The following SHANK1 variants were observed in gnomAD, a reference collection of about 807,000 sequenced individuals.
SHANK1 encodes SH3 and multiple ankyrin repeat domains protein 1.
A neutral mutation model predicts 165.6 loss-of-function variants in SHANK1; 35 were observed. The observed-to-expected ratio is 0.21, with a 90% CI of 0.16 to 0.28. SHANK1 has a LOEUF of 0.28. SHANK1 is among the 10% of genes least tolerant of loss of function. SHANK1 has a pLI of 1.00. For missense variants in SHANK1, 2,681 were observed against 3,036.4 expected, an observed-to-expected ratio of 0.88 and a Z score of 2.75; for synonymous variants, 1,428 against 1,384.8, an observed-to-expected ratio of 1.03 and a Z score of -0.69.
intron 21 of SHANK1, among the ~76,000 whole-genome samples, chr19:50,681,509 T>C (rs754971505): frequency 5.3e-5 from 8 of 152,010 alleles, no homozygotes; most frequent in Non-Finnish European, 1.0e-4. Context: ...AGAGGGTGAG[T>C]TCCCTGAGGG....
chr19:50,706,742 T>C (rs922797171), intron 8 of SHANK1, among the ~76,000 whole-genome samples: 1 of 151,940 alleles, frequency 6.6e-6, no homozygotes, highest in African/African-American at 2.4e-5. Context: ...AAAAAACCCT[T>C]GTCCTCTTCC....
intron 18 of SHANK1, 50 bp downstream of exon 18, chr19:50,687,873 G>A (rs1271755720): frequency 1.9e-6 from 3 of 1,610,920 alleles, no homozygotes; most frequent in Non-Finnish European, 8.5e-7. Context: ...GCTCCCGCAG[G>A]GCTGAGCCTG....
intron 23 of SHANK1, among the ~76,000 whole-genome samples, chr19:50,664,322 C>T (rs1484912739): frequency 6.6e-6 from 1 of 152,204 alleles, no homozygotes; most frequent in Non-Finnish European, 1.5e-5. Flanking sequence ...ACTCTACTTT[C>T]TCTAGGACTA....
chr19:50,664,622 C>T (rs1222587548), intron 23 of SHANK1, among the ~76,000 whole-genome samples: 1 of 152,214 alleles, frequency 6.6e-6, no homozygotes, highest in Non-Finnish European at 1.5e-5. Context: ...GGCTCTAGAA[C>T]CACACCTATA....
rs1986947313 is a variant in SHANK1 at position 50,702,428 on chromosome 19, A to G, written c.1747+39T>C. 2 of 1,540,060 alleles carry G rather than the reference A, an allele frequency of 1.3e-6. No individual in the cohort carries two copies. The highest frequency in any genetic ancestry group is 1.4e-5 in the African/African-American group (1 of 72,880). ...CCACATTTTCCCTGATCGCCCCCACAGCCCAGCCCAGCCCAGGCCCTGCTT... is the reference window on the plus strand; with the variant it reads ...CCACATTTTCCCTGATCGCCCCCACGGCCCAGCCCAGCCCAGGCCCTGCTT... On this transcript the variant is annotated intron_variant, in intron 12 of 23. Transcript: ENST00000293441. This position sits in a 1 kb window ranked among gnomAD's most constrained non-coding sequence, Gnocchi z 5.3.
chr19:50,705,545 T>C (rs1383384692), intron 8 of SHANK1, among the ~76,000 whole-genome samples: 1 of 152,166 alleles, frequency 6.6e-6, no homozygotes, highest in Non-Finnish European at 1.5e-5. Flanking sequence ...GATAATCCTT[T>C]GGTGATTCAT....
At chr19:50,679,941 CAGAGAT>C (rs1284495092) in intron 21 of SHANK1, among the ~76,000 whole-genome samples, 8 of 148,496 alleles carry the variant, frequency 5.4e-5, no homozygotes, top group Non-Finnish European at 8.9e-5. Context: ...GATAGGGAGA[CAGAGAT>C]AGAGAGACAG....
chr19:50,716,037 TGAG>T lies in SHANK1; in HGVS notation c.459+235_459+237del, dbSNP rs1049261002. Among the ~76,000 whole-genome samples, 14 of 152,076 alleles carry T rather than the reference TGAG, an allele frequency of 9.2e-5. No homozygotes were observed. Among genetic ancestry groups the T allele is most frequent in the African/African-American group, 2.7e-4 (11 of 41,396 alleles). ...GGGAATCCTCCCCCAATTTGATGGG[TGAG>T]GAGAAGCTTGGGGCAGGAAAGTGAC... On this transcript the variant is annotated intron_variant, in intron 3 of 23. Coordinates refer to ENST00000293441, the MANE Select transcript of SHANK1 (RefSeq NM_016148.5). The surrounding 1 kb of genome is among the most constrained non-coding windows in gnomAD (Gnocchi z 8.4).
At position 50,704,192 on chromosome 19, in the gene SHANK1, GGGA is replaced by G; in HGVS notation, c.1156-9_1156-7del. 6.2e-7 allele frequency: 1 copy of G among 1,613,884 alleles called. No homozygotes were observed. The highest frequency in any genetic ancestry group is 8.5e-7 in the Non-Finnish European group (1 of 1,179,942). On this transcript the variant is annotated splice_polypyrimidine_tract_variant and splice_region_variant and intron_variant, in intron 9 of 23. Transcript: ENST00000293441. ...TTCCCAGCAATCACTGCCACCTGGA[GGGA>G]GGGGGTAGAGGCAGGTCGGCCAGGG... is the stretch of plus-strand genomic sequence containing the variant.
At chr19:50,691,315 C>G (rs1986531471) in intron 15 of SHANK1, among the ~76,000 whole-genome samples, 1 of 152,118 alleles carries the variant, frequency 6.6e-6, no homozygotes, top group South Asian at 2.1e-4. Flanking sequence ...CCATTCCCAC[C>G]TTCTTACTCC....
Position 50,686,763 on chromosome 19 carries a change from G to T in SHANK1, c.2439C>A (p.Thr813=), listed in dbSNP as rs746425154. 2 of 1,613,832 alleles carry T rather than the reference G, an allele frequency of 1.2e-6. No individual in the cohort carries two copies. The highest frequency in any genetic ancestry group is 1.7e-5 in the Admixed American group (1 of 60,006). The change falls in exon 20 of 24, where the codon ACC becomes ACA. Residue 813 remains threonine, a synonymous_variant. Coordinates refer to ENST00000293441, the MANE Select transcript of SHANK1 (RefSeq NM_016148.5). The surrounding 1 kb of genome is among the most constrained non-coding windows in gnomAD (Gnocchi z 5.7). ...APVPSMEKKR[T]VYQMALNKLD... is the part of the protein sequence containing the mutation. ...TCTTACTGAGAGCCATCTGATACAC[G>T]GTCCGCTTTTTCTCCATGCTGGGCA...
At chr19:50,672,555 C>CAAAAAAAAAAAAAA (rs3987747) in intron 21 of SHANK1, among the ~76,000 whole-genome samples, 18 of 35,500 alleles carry the variant, frequency 5.1e-4, no homozygotes, top group African/African-American at 1.7e-3. Context: ...GACTCTGTCT[C>CAAAAAAAAAAAAAA]AAAAAAAAAA....
At chr19:50,706,688 TGCC>T (rs980688227) in intron 8 of SHANK1, among the ~76,000 whole-genome samples, 32 of 152,044 alleles carry the variant, frequency 2.1e-4, no homozygotes, top group Non-Finnish European at 4.4e-4. Context: ...TTTGCACAAA[TGCC>T]GCCTCTTCAG....
At chr19:50,701,586 T>C (rs987763179) in intron 12 of SHANK1, among the ~76,000 whole-genome samples, 10 of 149,340 alleles carry the variant, frequency 6.7e-5, no homozygotes, top group Non-Finnish European at 1.5e-4. Context: ...CAAAGTCCCA[T>C]TTTACAGATG....
In SHANK1 at chr19:50,668,415, G is replaced by A. The variant is rs772381856; in HGVS notation, c.3545C>T (p.Pro1182Leu). The stretch of plus-strand genomic sequence containing the variant: ...GCCTCCCGTGGGCTCCGGCTGGGTG[G>A]GGGGCTCCGCCTCGGTGCTGCTGCC... ...SQGSSTEAEP[P>L]TQPEPTGGGG... The change falls in exon 23 of 24, where the codon CCC becomes CTC. Residue 1182 changes from proline (P) to leucine (L), a missense_variant. By Grantham distance (98) the Pro-to-Leu change is moderately conservative (BLOSUM62 -3). This residue lies in a region of SHANK1 where 1,713 missense variants were observed against 1,630.2 expected (regional missense o/e 1.05). Transcript: ENST00000293441. 5 of 1,325,846 alleles carry A rather than the reference G, an allele frequency of 3.8e-6. No homozygotes were observed. The highest frequency in any genetic ancestry group is 4.8e-6 in the Non-Finnish European group (5 of 1,036,220). 82.1% of individuals were successfully genotyped at this position (1,325,846 alleles called of 1,614,324 possible).
Position 50,702,688 on chromosome 19 carries a change from G to GGGA in SHANK1, c.1554-31_1554-29dup. 6.7e-7 allele frequency: 1 copy of GGGA among 1,502,070 alleles called. No homozygotes were observed. 93.0% of individuals were successfully genotyped at this position (1,502,070 alleles called of 1,614,324 possible). ...GCGTACACAGAGGGCATGAGAGGAG[G>GGGA]GGAGGGTGGAGGGAGGGGACACCTC... On this transcript the variant is annotated intron_variant, in intron 11 of 23. Coordinates refer to ENST00000293441, the MANE Select transcript of SHANK1 (RefSeq NM_016148.5). The surrounding 1 kb of genome is among the most constrained non-coding windows in gnomAD (Gnocchi z 5.3).
At chr19:50,689,565 G>A (rs115911295) in intron 15 of SHANK1, among the ~76,000 whole-genome samples, 3 of 152,146 alleles carry the variant, frequency 2.0e-5, no homozygotes, top group African/African-American at 7.2e-5. Context: ...GGGGAGGATG[G>A]GGAGAAGAGC....
At position 50,687,950 on chromosome 19, in the gene SHANK1, C is replaced by T; in HGVS notation, c.2281G>A (p.Asp761Asn). ...VKVVMVTRHP[D>N]MDEAVHKKAP... ...TTCTTGTGCACTGCCTCATCCATGTCCGGGTGCCTGGTGACCATCACCACC... is the reference window on the plus strand; with the variant it reads ...TTCTTGTGCACTGCCTCATCCATGTTCGGGTGCCTGGTGACCATCACCACC... Residue 761 changes from aspartate (D) to asparagine (N), a missense_variant, in exon 18 of 24, where the codon GAC becomes AAC. Around this residue, in one of 10 missense-constraint regions of SHANK1, gnomAD observed 206 missense variants for 216.0 expected, o/e 0.95. Coordinates refer to ENST00000293441, the MANE Select transcript of SHANK1 (RefSeq NM_016148.5). The T allele has an allele frequency of 1.9e-6, 3 of 1,614,094 alleles. No individual in the cohort carries two copies. The highest frequency in any genetic ancestry group is 2.5e-6 in the Non-Finnish European group (3 of 1,179,980).
rs1020741548 is a variant in SHANK1 at position 50,702,627 on chromosome 19, C to T, written c.1587G>A (p.Gly529=). Residue 529 remains glycine, a synonymous_variant, in exon 12 of 24, where the codon GGG becomes GGA. Transcript: ENST00000293441. The surrounding 1 kb of genome is among the most constrained non-coding windows in gnomAD (Gnocchi z 5.3). ...CGGGGCCCCCTGAGCCCCCCGTGCCCCCGGCTGGCCCTTCCCGGGGTGTCC... is the reference window on the plus strand; with the variant it reads ...CGGGGCCCCCTGAGCCCCCCGTGCCTCCGGCTGGCCCTTCCCGGGGTGTCC... ...SSGTPREGPA[G]GTGGSGGPGG... is the part of the protein sequence containing the mutation. 4 of 1,583,386 alleles carry T rather than the reference C, an allele frequency of 2.5e-6. No homozygotes were observed. Among genetic ancestry groups the T allele is most frequent in the Non-Finnish European group, 3.4e-6 (4 of 1,165,976 alleles).
Sources: gnomAD v4.1 joint callset for allele counts (sites outside exome capture counted in the v4.1 genomes callset) on GRCh38, gnomAD v4.1.1 for gene constraint, gnomAD v4.1.1 regional missense constraint, Gnocchi (gnomAD v3.1) non-coding constraint, MANE v1.5 for transcripts, NCBI Gene and HGNC (gene_info 2026-07-23, HGNC 2026-07-21) for gene names.